The following ZEB1 variants were observed in gnomAD, a reference collection of about 807,000 sequenced individuals.
ZEB1 encodes the protein zinc finger E-box binding homeobox 1.
ZEB1 carries 21 observed loss-of-function variants against 84.9 expected under a neutral mutation model. The observed-to-expected ratio is 0.25, with a 90% CI of 0.18 to 0.36. The LOEUF is 0.36. Among genes scored for constraint, ZEB1 ranks in the 10% least tolerant of loss-of-function variants. The probability of loss-of-function intolerance (pLI) is 1.00; values close to 1 mark genes in which losing one functional copy is unlikely to be tolerated. For synonymous variants in ZEB1, 420 were observed against 471.1 expected, an observed-to-expected ratio of 0.89 and a Z score of 1.41; for missense variants, 1,104 against 1,330.2, an observed-to-expected ratio of 0.83 and a Z score of 2.65.
At chr10:31,458,608 TC>T (rs1171449324) in intron 1 of ZEB1, among the ~76,000 whole-genome samples, 1 of 152,018 alleles carries the variant, frequency 6.6e-6, no homozygotes, top group African/African-American at 2.4e-5. Context: ...ATAGACCTCC[TC>T]AGATAATATT....
At chr10:31,498,361 A>T (rs2067583703) in intron 3 of ZEB1, among the ~76,000 whole-genome samples, 1 of 151,898 alleles carries the variant, frequency 6.6e-6, no homozygotes, top group Non-Finnish European at 1.5e-5. Context: ...ATAGTAATAC[A>T]TTTTCTCTCT....
At chr10:31,478,973 A>G (rs1270006567) in intron 2 of ZEB1, among the ~76,000 whole-genome samples, 1 of 151,880 alleles carries the variant, frequency 6.6e-6, no homozygotes, top group African/African-American at 2.4e-5. Context: ...AAACCTCACT[A>G]TTATGTAATA....
rs548615284 is a variant in ZEB1 at position 31,331,081 on chromosome 10, C to CTTTTTTTTTTTTTTTTTTTTTT, written c.58+11794_58+11815dup. Among the ~76,000 whole-genome samples, 9 of 77,874 alleles carry CTTTTTTTTTTTTTTTTTTTTTT rather than the reference C, an allele frequency of 1.2e-4. 1 individual carries two copies. Among genetic ancestry groups the CTTTTTTTTTTTTTTTTTTTTTT allele is most frequent in the African/African-American group, 3.4e-4 (6 of 17,518 alleles). 51.1% of individuals were successfully genotyped at this position (77,874 alleles called of 152,430 possible). ...ATTTTCTTTTCTTTTTTCTTTCTTT[C>CTTTTTTTTTTTTTTTTTTTTTT]TTTTTTTTTTTTTTTTTTTTTTTTT... On this transcript the variant is annotated intron_variant, in intron 1 of 8. Transcript: ENST00000424869.
chr10:31,433,774 G>T (rs1346586018), intron 1 of ZEB1, among the ~76,000 whole-genome samples: 1 of 152,184 alleles, frequency 6.6e-6, no homozygotes, highest in Non-Finnish European at 1.5e-5. Context: ...GGCAGTGAGG[G>T]CTACAAGGAT....
intron 4 of ZEB1, among the ~76,000 whole-genome samples, chr10:31,503,476 A>G (rs2139281673): frequency 6.6e-6 from 1 of 152,178 alleles, no homozygotes; most frequent in South Asian, 2.1e-4. Context: ...TCATCCATTG[A>G]TGTACACTGA....
chr10:31,392,551 A>G (rs1484109225), intron 1 of ZEB1, among the ~76,000 whole-genome samples: 1 of 152,100 alleles, frequency 6.6e-6, no homozygotes, highest in Non-Finnish European at 1.5e-5. Context: ...GTAAGTAAGC[A>G]AGTTCTGTAT....
At chr10:31,526,567 A>G in intron 8 of ZEB1, 105 bp from the exon 9 acceptor site, 1 of 1,376,786 alleles carries the variant, frequency 7.3e-7, no homozygotes, top group Non-Finnish European at 9.9e-7. Context: ...TAAAAATGAA[A>G]CTAATAACCC....
At chr10:31,429,971 C>T (rs1011522234) in intron 1 of ZEB1, among the ~76,000 whole-genome samples, 25 of 151,910 alleles carry the variant, frequency 1.6e-4, no homozygotes, top group Middle Eastern at 3.2e-3. Flanking sequence ...GAACTCCTGA[C>T]GTCAGGTGAT....
chr10:31,490,197 T>G (rs2066336160), intron 2 of ZEB1, among the ~76,000 whole-genome samples: 1 of 151,490 alleles, frequency 6.6e-6, no homozygotes, highest in South Asian at 2.1e-4. Context: ...GAGGTTACTA[T>G]TTGAGGTTCA....
chr10:31,343,781 C>T (rs2039813278), intron 1 of ZEB1, among the ~76,000 whole-genome samples: 1 of 152,108 alleles, frequency 6.6e-6, no homozygotes. Context: ...TGAAATACTA[C>T]TAAGTGACCT....
intron 1 of ZEB1, among the ~76,000 whole-genome samples, chr10:31,345,733 A>G (rs1056834764): frequency 2.0e-5 from 3 of 152,162 alleles, no homozygotes; most frequent in Admixed American, 1.3e-4. Context: ...TCTTGTTAAA[A>G]GGGAAATCAG....
rs1039874414 is a variant in ZEB1, at chr10:31,489,729, T to C, written c.260-6047T>C. On this transcript the variant is annotated intron_variant, in intron 2 of 8. Transcript: ENST00000424869. ...TCAATCTTTTACCCTGCCAAGTGGA[T>C]TGTATAAATCTTTCATGTAAGTCTT... Among the ~76,000 whole-genome samples, 15 of 151,316 alleles carry C rather than the reference T, an allele frequency of 9.9e-5. No homozygotes were observed. In the Admixed American group the frequency reaches 9.9e-4, roughly 10 times the overall value.
intron 1 of ZEB1, among the ~76,000 whole-genome samples, chr10:31,402,666 ACT>A (rs1043888317): frequency 2.6e-4 from 39 of 151,832 alleles, no homozygotes; most frequent in African/African-American, 9.4e-4. Context: ...GAACTTTATT[ACT>A]GTTTCTTCAT....
At chr10:31,450,096 T>C (rs2060366222) in intron 1 of ZEB1, among the ~76,000 whole-genome samples, 3 of 152,190 alleles carry the variant, frequency 2.0e-5, no homozygotes. Flanking sequence ...AGATTTAGAA[T>C]CCAAGATACC....
chr10:31,464,878 G>T (rs1564973919), intron 2 of ZEB1, among the ~76,000 whole-genome samples: 1 of 152,086 alleles, frequency 6.6e-6, no homozygotes, highest in Non-Finnish European at 1.5e-5. Context: ...ACTGAAGGCA[G>T]TTTTTCAAGT....
At chr10:31,385,216 A>C (rs370439197) in intron 1 of ZEB1, among the ~76,000 whole-genome samples, 5 of 152,204 alleles carry the variant, frequency 3.3e-5, no homozygotes, top group African/African-American at 1.2e-4. Context: ...AAGGGTGGAC[A>C]TACATCCCAA....
intron 1 of ZEB1, among the ~76,000 whole-genome samples, chr10:31,356,395 CTTA>C (rs1433668332): frequency 6.6e-6 from 1 of 151,866 alleles, no homozygotes; most frequent in Non-Finnish European, 1.5e-5. Flanking sequence ...GTTTACACCA[CTTA>C]TTAATGAATA....
intron 1 of ZEB1, among the ~76,000 whole-genome samples, chr10:31,328,885 T>C (rs1327662827): frequency 1.3e-5 from 2 of 152,136 alleles, no homozygotes; most frequent in African/African-American, 4.8e-5. Flanking sequence ...AGTCTGCACC[T>C]TCTCATATAT....
At chr10:31,439,722 A>C (rs1246469507) in intron 1 of ZEB1, among the ~76,000 whole-genome samples, 1 of 152,074 alleles carries the variant, frequency 6.6e-6, no homozygotes, top group Non-Finnish European at 1.5e-5. Flanking sequence ...CTCCCTGAGG[A>C]GGTGGAATTG....
Sources: allele counts gnomAD v4.1 joint callset (sites outside exome capture counted in the v4.1 genomes callset), GRCh38; gene constraint gnomAD v4.1.1; transcripts MANE v1.5; gene names NCBI Gene and HGNC (gene_info 2026-07-23, HGNC 2026-07-21).